The following EXD3 variants were observed in gnomAD, a reference collection of about 807,000 sequenced individuals.
EXD3 encodes exonuclease 3'-5' domain containing 3, also known as exonuclease mut-7 homolog.
Under a neutral mutation model 98.0 loss-of-function variants are expected in EXD3, and 92 were observed. The observed-to-expected ratio is 0.94, with a 90% CI of 0.79 to 1.12. The LOEUF is 1.12. Ranked by LOEUF, EXD3 falls within the 50% of genes most tolerant of loss-of-function variation. The pLI is 0.00. For missense variants in EXD3, 1,222 were observed against 1,191.6 expected, an observed-to-expected ratio of 1.03 and a Z score of -0.38; for synonymous variants, 569 against 526.0, an observed-to-expected ratio of 1.08 and a Z score of -1.12.
intron 1 of EXD3, among the ~76,000 whole-genome samples, chr9:137,420,709 T>C (rs1838469445): frequency 6.6e-6 from 1 of 150,464 alleles, no homozygotes; most frequent in African/African-American, 2.5e-5. Flanking sequence ...AACTTCAAGA[T>C]AGTTTGGGAC....
chr9:137,393,207 G>T lies in EXD3; in HGVS notation c.55+2096C>A, dbSNP rs1220088170. 2 of 702,744 alleles carry T rather than the reference G, an allele frequency of 2.8e-6. No individual in the cohort carries two copies. Among genetic ancestry groups the T allele is most frequent in the African/African-American group, 1.7e-5 (1 of 57,356 alleles). 43.5% of individuals were successfully genotyped at this position (702,744 alleles called of 1,614,324 possible). A position where few individuals can be genotyped will look rare whatever the true frequency, so the allele number is the denominator to read the frequency against. ...GAAAACATCCCACTCTGCTTAGGTGGAGAAGAGGCTGTAGAAGCCTGTGGG... is the reference window on the plus strand; with the variant it reads ...GAAAACATCCCACTCTGCTTAGGTGTAGAAGAGGCTGTAGAAGCCTGTGGG... On this transcript the variant is annotated intron_variant, in intron 2 of 21. Transcript: ENST00000340951. This position sits in a 1 kb window ranked among gnomAD's most constrained non-coding sequence, Gnocchi z 4.6.
chr9:137,383,916 G>C (rs1181269355), intron 2 of EXD3, among the ~76,000 whole-genome samples: 1 of 152,232 alleles, frequency 6.6e-6, no homozygotes, highest in Non-Finnish European at 1.5e-5. Context: ...CACACGGACA[G>C]GGCCACCAGA....
rs1007594394 is a variant in EXD3 at position 137,349,722 on chromosome 9, C to T, written c.1495-191G>A. On this transcript the variant is annotated intron_variant, in intron 14 of 21. Transcript: ENST00000340951. The surrounding 1 kb of genome is among the most constrained non-coding windows in gnomAD (Gnocchi z 7.4). The stretch of plus-strand genomic sequence containing the variant: ...GGCTCCACGTGGGGGTCCCAGGCTG[C>T]AGGCACTGCACACCAGGGCCAGCTC... Among the ~76,000 whole-genome samples the T allele has an allele frequency of 5.3e-5, 8 of 152,052 alleles. No homozygotes were observed. The highest frequency in any genetic ancestry group is 1.7e-4 in the African/African-American group (7 of 41,410).
intron 10 of EXD3, chr9:137,353,064 C>T: frequency 6.3e-6 from 8 of 1,279,190 alleles, no homozygotes; most frequent in Non-Finnish European, 7.9e-6. Flanking sequence ...TGAAGGCTGC[C>T]CACCTCAGTT....
intron 17 of EXD3, chr9:137,345,694 A>G (rs1280014457): frequency 6.6e-6 from 1 of 151,802 alleles, no homozygotes; most frequent in Non-Finnish European, 1.5e-5. Context: ...AAGAAAAGAA[A>G]AAGATAGCAA....
At chr9:137,314,519 A>T (rs956775958) in intron 19 of EXD3, among the ~76,000 whole-genome samples, 2 of 151,620 alleles carry the variant, frequency 1.3e-5, no homozygotes, top group Admixed American at 6.6e-5. Context: ...CCGCTCAGTG[A>T]CCCCCGCCCT....
At chr9:137,357,710 A>G (rs896618609) in intron 7 of EXD3, among the ~76,000 whole-genome samples, 2 of 141,728 alleles carry the variant, frequency 1.4e-5, no homozygotes, top group African/African-American at 2.6e-5. Flanking sequence ...ATATATATAC[A>G]TATATATATT....
chr9:137,324,365 A>AT lies in EXD3; in HGVS notation c.1999-223dup, dbSNP rs978553859. On this transcript the variant is annotated intron_variant, in intron 17 of 21. Transcript: ENST00000340951. The surrounding 1 kb of genome is among the most constrained non-coding windows in gnomAD (Gnocchi z 4.1). ...GATTTAATCTTGGCACCACGCAAACATTTTTTTTTCATAATTAGAAACAAA... is the reference window on the plus strand; with the variant it reads ...GATTTAATCTTGGCACCACGCAAACATTTTTTTTTTCATAATTAGAAACAAA... Among the ~76,000 whole-genome samples the AT allele has an allele frequency of 2.0e-5, 3 of 150,606 alleles. No homozygotes were observed. The highest frequency in any genetic ancestry group is 1.9e-4 in the East Asian group (1 of 5,148).
intron 1 of EXD3, among the ~76,000 whole-genome samples, chr9:137,408,821 C>T (rs927045591): frequency 1.3e-5 from 2 of 152,196 alleles, no homozygotes; most frequent in Non-Finnish European, 2.9e-5. Flanking sequence ...GGCCAGCGGG[C>T]GCACAGGCCC....
intron 1 of EXD3, among the ~76,000 whole-genome samples, chr9:137,408,218 C>T (rs898038260): frequency 5.9e-5 from 9 of 152,060 alleles, no homozygotes; most frequent in African/African-American, 2.2e-4. Context: ...CGGCCCTGCA[C>T]GTGCCCCAAA....
intron 1 of EXD3, among the ~76,000 whole-genome samples, chr9:137,411,754 A>C (rs1280877259): frequency 4.8e-5 from 5 of 103,626 alleles, no homozygotes; most frequent in South Asian, 3.6e-4. Context: ...GGGGAGTGGG[A>C]GGGAGTCGGG....
chr9:137,383,505 C>G, intron 2 of EXD3, 128 bp from the exon 3 acceptor site: 1 of 627,878 alleles, frequency 1.6e-6, no homozygotes. Flanking sequence ...GGCCGGGAAC[C>G]CTCCCCCACC....
At chr9:137,363,633 C>A (rs962301361) in intron 7 of EXD3, among the ~76,000 whole-genome samples, 1 of 152,064 alleles carries the variant, frequency 6.6e-6, no homozygotes, top group African/African-American at 2.4e-5. Flanking sequence ...GCCACTGCAT[C>A]CAACCATGGT....
chr9:137,413,261 C>A (rs1051255399), intron 1 of EXD3, among the ~76,000 whole-genome samples: 4 of 151,630 alleles, frequency 2.6e-5, no homozygotes, highest in Non-Finnish European at 5.9e-5. Context: ...AGTGCAGTGG[C>A]GTGATCTTGG....
intron 2 of EXD3, among the ~76,000 whole-genome samples, chr9:137,384,038 C>A (rs1836461056): frequency 6.6e-6 from 1 of 152,180 alleles, no homozygotes; most frequent in Admixed American, 6.5e-5. Flanking sequence ...GTGGTAGGGT[C>A]AGGGTCGGAG....
chr9:137,384,324 A>G (rs1026294828), intron 2 of EXD3, among the ~76,000 whole-genome samples: 1 of 152,258 alleles, frequency 6.6e-6, no homozygotes, highest in African/African-American at 2.4e-5. Flanking sequence ...AGGCTGACTT[A>G]ACAGGAGAGT....
At chr9:137,392,872 G>A in intron 2 of EXD3, 1 of 513,826 alleles carries the variant, frequency 1.9e-6, no homozygotes, top group South Asian at 1.9e-5. Context: ...GGCTGTTCCA[G>A]GGAGGACCAT....
At chr9:137,355,527 TGGAGGAAGGAGGAAGGAGGAA>T (rs1834641557) in intron 8 of EXD3, among the ~76,000 whole-genome samples, 1 of 15,832 alleles carries the variant, frequency 6.3e-5, no homozygotes, top group Non-Finnish European at 1.2e-4. Flanking sequence ...GGAAGGAGGA[TGGAGGAAGGAGGAAGGAGGAA>T]GGAGGAAGGA....
intron 19 of EXD3, among the ~76,000 whole-genome samples, chr9:137,319,828 G>A (rs1358803161): frequency 6.6e-6 from 1 of 152,204 alleles, no homozygotes; most frequent in Admixed American, 6.5e-5. Flanking sequence ...CATCGCACTG[G>A]CCCTGAGGGA....
Sources: gnomAD v4.1 joint callset for allele counts (sites outside exome capture counted in the v4.1 genomes callset) on GRCh38, gnomAD v4.1.1 for gene constraint, Gnocchi (gnomAD v3.1) non-coding constraint, MANE v1.5 for transcripts, NCBI Gene and HGNC (gene_info 2026-07-23, HGNC 2026-07-21) for gene names.